The following PARP14 variants were observed in gnomAD, a reference collection of about 807,000 sequenced individuals.
The protein encoded by PARP14 is poly(ADP-ribose) polymerase family member 14.
PARP14 carries 59 observed loss-of-function variants against 154.2 expected under a neutral mutation model. That is an observed-to-expected ratio of 0.38 (90% CI 0.31 to 0.48). The LOEUF (loss-of-function observed/expected upper bound fraction) is 0.48. Ranked by LOEUF, PARP14 falls within the 20% of genes least tolerant of loss-of-function variation. PARP14 has a pLI of 0.98. For synonymous variants in PARP14, 720 were observed against 780.5 expected, an observed-to-expected ratio of 0.92 and a Z score of 1.29; for missense variants, 1,734 against 2,131.6, an observed-to-expected ratio of 0.81 and a Z score of 3.67.
Position 122,727,928 on chromosome 3 carries a change from C to T in PARP14, c.5058C>T (p.Ala1686=), listed in dbSNP as rs763981523. 17 of 1,613,584 alleles carry T rather than the reference C, an allele frequency of 1.1e-5. No homozygotes were observed. The Admixed American group carries it at 1.3e-4, about 13-fold the overall frequency. The change falls in exon 16 of 17, where the codon GCC becomes GCT. Residue 1686 remains alanine, a synonymous_variant. Coordinates refer to ENST00000474629, the MANE Select transcript of PARP14 (RefSeq NM_017554.3). ...NEKQLFHGTD[A]GSVPHVNRNG... is the part of the protein sequence containing the mutation. ...AGCAACTCTTCCATGGGACAGATGCCGGCTCCGTGCCACACGTCAATCGAA... is the reference window on the plus strand; with the variant it reads ...AGCAACTCTTCCATGGGACAGATGCTGGCTCCGTGCCACACGTCAATCGAA...
chr3:122,704,286 A>G (rs887395406), intron 7 of PARP14, among the ~76,000 whole-genome samples: 2 of 152,248 alleles, frequency 1.3e-5, no homozygotes, highest in Non-Finnish European at 2.9e-5. Context: ...AAGAGAATGA[A>G]GGAAAAGAAC....
At position 122,699,832 on chromosome 3, in the gene PARP14, T is replaced by C; in HGVS notation, c.1278T>C (p.Phe426=). 6.2e-7 allele frequency: 1 copy of C among 1,613,982 alleles called. No individual in the cohort carries two copies. Among genetic ancestry groups the C allele is most frequent in the South Asian group, 1.1e-5 (1 of 91,082 alleles). Reference sequence around the variant, plus strand: ...AAGATGACAGGATTTTGATTGAGTTTGATACACTTAAGGAGATGGTAATCT... The same window carrying C: ...AAGATGACAGGATTTTGATTGAGTTCGATACACTTAAGGAGATGGTAATCT... ...DVKDDRILIE[F]DTLKEMVILA... Residue 426 remains phenylalanine, a synonymous_variant, in exon 6 of 17, where the codon TTT becomes TTC. Coordinates refer to ENST00000474629, the MANE Select transcript of PARP14 (RefSeq NM_017554.3).
Position 122,700,044 on chromosome 3 carries a change from T to TA in PARP14, c.1491dup (p.Glu498ArgfsTer6), listed in dbSNP as rs913846660. The TA allele has an allele frequency of 1.2e-6, 2 of 1,613,854 alleles. No individual in the cohort carries two copies. The highest frequency in any genetic ancestry group is 1.7e-5 in the Admixed American group (1 of 59,996). On this transcript the variant is annotated frameshift_variant, in exon 6 of 17. Coordinates refer to ENST00000474629, the MANE Select transcript of PARP14 (RefSeq NM_017554.3). LOFTEE classifies it high-confidence loss of function. ...CATTTACTCACGGAGTGCCCAGAGA[T>TA]AGAGATTTGTTACGATAGAGTCACT...
At position 122,687,047 on chromosome 3, in the gene PARP14, T is replaced by G. The variant is rs556467228; in HGVS notation, c.322-33T>G. On this transcript the variant is annotated intron_variant, in intron 2 of 16. Coordinates refer to ENST00000474629, the MANE Select transcript of PARP14 (RefSeq NM_017554.3). ...TCTTATGTAAATAAATTGTTAATCA[T>G]GTATTAATGCTACTTTATTGTTTGT... The G allele has an allele frequency of 3.4e-5, 50 of 1,463,028 alleles. 1 individual carries two copies. The East Asian group carries it at 6.3e-4, about 18-fold the overall frequency. The allele number at this position is 1,463,028 out of a possible 1,614,324, so 90.6% of individuals were successfully genotyped here.
At chr3:122,704,446 A>G (rs1939084355) in intron 7 of PARP14, 81 bp from the exon 8 acceptor site, 2 of 825,324 alleles carry the variant, frequency 2.4e-6, no homozygotes, top group East Asian at 2.7e-5. Flanking sequence ...TCAAGTTCAC[A>G]AAGTTGCTAA....
At chr3:122,685,347 G>A in intron 2 of PARP14, 29 bp downstream of exon 2, 1 of 1,605,648 alleles carries the variant, frequency 6.2e-7, no homozygotes, top group Non-Finnish European at 8.5e-7. Flanking sequence ...TGAATAAAAG[G>A]GATTTAGGTC....
chr3:122,715,517 C>A (rs576796904), intron 12 of PARP14, among the ~76,000 whole-genome samples: 38 of 151,996 alleles, frequency 2.5e-4, no homozygotes, highest in African/African-American at 8.4e-4. Context: ...ATTTTTGATC[C>A]CTTTGTTTTC....
chr3:122,684,892 G>A (rs912172825), intron 1 of PARP14, among the ~76,000 whole-genome samples: 3 of 152,072 alleles, frequency 2.0e-5, no homozygotes, highest in African/African-American at 4.8e-5. Context: ...TTTAATACAC[G>A]TGGCACTCAT....
At chr3:122,689,694 C>T (rs934421384) in intron 3 of PARP14, among the ~76,000 whole-genome samples, 1 of 152,224 alleles carries the variant, frequency 6.6e-6, no homozygotes, top group Non-Finnish European at 1.5e-5. Flanking sequence ...ATGGCAGGAG[C>T]TCCCTGCCTG....
At chr3:122,727,734 T>C in intron 15 of PARP14, 78 bp from the exon 16 acceptor site, 3 of 848,148 alleles carry the variant, frequency 3.5e-6, no homozygotes, top group Non-Finnish European at 5.3e-6. Context: ...TTATGAAACA[T>C]AGTGATCATG....
chr3:122,691,325 G>A (rs376472362), intron 3 of PARP14, among the ~76,000 whole-genome samples: 18 of 152,226 alleles, frequency 1.2e-4, no homozygotes, highest in South Asian at 2.1e-4. Flanking sequence ...AGATCAGATC[G>A]TACCCACCAT....
In PARP14 at chr3:122,722,337, T is replaced by C. The variant is rs372157991; in HGVS notation, c.4941+1949T>C. 15 of 152,336 alleles carry C rather than the reference T, an allele frequency of 9.8e-5. 2 individuals carry two copies. The highest frequency in any genetic ancestry group is 1.9e-4 in the East Asian group (1 of 5,186). The allele number at this position is 152,336 out of a possible 1,614,324, so 9.4% of individuals were successfully genotyped here. On this transcript the variant is annotated intron_variant, in intron 15 of 16. Transcript: ENST00000474629. ...GCTCTATGATGGTCTATTTCTGAGA[T>C]AACAAGTAAGTCTCACTCCAAGTAC...
chr3:122,685,121 A>C (rs1400359384), intron 1 of PARP14, 64 bp from the exon 2 acceptor site: 3 of 1,577,584 alleles, frequency 1.9e-6, no homozygotes, highest in African/African-American at 1.3e-5. Context: ...CGGAAATCAT[A>C]GAATAATTTT....
intron 3 of PARP14, among the ~76,000 whole-genome samples, chr3:122,687,689 C>T (rs1938415173): frequency 6.6e-6 from 1 of 152,236 alleles, no homozygotes; most frequent in Non-Finnish European, 1.5e-5. Context: ...GACTCCAATG[C>T]TCAACTAGCG....
rs999876297 is a variant in PARP14, at chr3:122,681,763, C to T, written c.187+693C>T. ...GAGATTTGAGCTTTGGAGGGAAAGT[C>T]GGCAAAGTTCCCTCCTTACAGACCC... On this transcript the variant is annotated intron_variant, in intron 1 of 16. Transcript: ENST00000474629. This position sits in a 1 kb window ranked among gnomAD's most constrained non-coding sequence, Gnocchi z 5.5. Among the ~76,000 whole-genome samples the T allele has an allele frequency of 2.0e-5, 3 of 152,100 alleles. No individual in the cohort carries two copies. The highest frequency in any genetic ancestry group is 7.2e-5 in the African/African-American group (3 of 41,424).
chr3:122,693,099 C>T (rs1380504665), intron 4 of PARP14, among the ~76,000 whole-genome samples: 1 of 152,122 alleles, frequency 6.6e-6, no homozygotes, highest in Non-Finnish European at 1.5e-5. Context: ...CACAAAGGTG[C>T]GAATGCATGG....
intron 4 of PARP14, among the ~76,000 whole-genome samples, chr3:122,694,060 T>C (rs967061743): frequency 1.3e-5 from 2 of 152,278 alleles, no homozygotes; most frequent in Non-Finnish European, 1.5e-5. Flanking sequence ...GGCACAGAGA[T>C]GAATAATCAG....
rs982793749 is a variant in PARP14 at position 122,730,304 on chromosome 3, CTTGT to C, written c.*1714_*1717del. 3 of 152,292 alleles carry C rather than the reference CTTGT, an allele frequency of 2.0e-5. No homozygotes were observed. The highest frequency in any genetic ancestry group is 3.1e-3 in the Middle Eastern group (1 of 318). 9.4% of individuals were successfully genotyped at this position (152,292 alleles called of 1,614,324 possible). A position where few individuals can be genotyped will look rare whatever the true frequency, so the allele number is the denominator to read the frequency against. On this transcript the variant is annotated 3_prime_UTR_variant, in exon 17 of 17. Coordinates refer to ENST00000474629, the MANE Select transcript of PARP14 (RefSeq NM_017554.3). ...CAGTCTTGAAATACCCCCATGTTGC[CTTGT>C]TTGTTTTTTCCTTCTGGCTTCTTCT...
At chr3:122,696,178 C>A (rs1457341542) in intron 5 of PARP14, among the ~76,000 whole-genome samples, 1 of 152,168 alleles carries the variant, frequency 6.6e-6, no homozygotes, top group African/African-American at 2.4e-5. Flanking sequence ...TCTAGCTGAA[C>A]CTTAGAGAAA....
Sources: gnomAD v4.1 joint callset for allele counts (sites outside exome capture counted in the v4.1 genomes callset) on GRCh38, gnomAD v4.1.1 for gene constraint, Gnocchi (gnomAD v3.1) non-coding constraint, MANE v1.5 for transcripts, NCBI Gene and HGNC (gene_info 2026-07-23, HGNC 2026-07-21) for gene names.